Variants in LILRB3 observed in about 807,000 individuals in gnomAD.
The protein encoded by LILRB3 is leukocyte immunoglobulin like receptor B3.
A neutral mutation model predicts 68.2 loss-of-function variants in LILRB3; 32 were observed. The ratio of observed to expected loss-of-function variants is 0.47; its 90% CI spans 0.35 to 0.63. LILRB3 has a LOEUF of 0.63. Among genes scored for constraint, LILRB3 ranks in the 30% least tolerant of loss-of-function variants. The pLI is 0.00. For synonymous variants in LILRB3, 185 were observed against 323.1 expected, an observed-to-expected ratio of 0.57 and a Z score of 4.58; for missense variants, 502 against 791.3, an observed-to-expected ratio of 0.63 and a Z score of 4.39.
chr19:54,216,639 T>G, exon 13 of LILRB3: 1 of 1,017,652 alleles, frequency 9.8e-7, no homozygotes, highest in Non-Finnish European at 1.2e-6. Flanking sequence ...TCCCATGTCA[T>G]AAGTTCGATG....
At chr19:54,219,936 A>G in intron 7 of LILRB3, 4 of 1,400,632 alleles carry the variant, frequency 2.9e-6, no homozygotes, top group Non-Finnish European at 3.9e-6. Flanking sequence ...CAGGACAGGG[A>G]GGTGAAGGCT....
intron 3 of LILRB3, 48 bp downstream of exon 3, chr19:54,222,230 C>A (rs2078261037): frequency 1.2e-6 from 2 of 1,611,354 alleles, no homozygotes; most frequent in East Asian, 4.5e-5. Context: ...AGCCGACCCC[C>A]TTCCTGAGGG....
At chr19:54,218,119 A>C (rs573387423) in intron 11 of LILRB3, among the ~76,000 whole-genome samples, 59 of 150,858 alleles carry the variant, frequency 3.9e-4, no homozygotes, top group Non-Finnish European at 5.3e-4. Context: ...GCCTGGGGAG[A>C]GCTCTAACAA....
intron 7 of LILRB3, 117 bp from the exon 8 acceptor site, chr19:54,219,362 C>T: frequency 6.8e-7 from 1 of 1,466,234 alleles, no homozygotes; most frequent in Non-Finnish European, 9.3e-7. Flanking sequence ...AGTCGTGCAA[C>T]ATGGAATTGC....
chr19:54,216,471 G>A (rs541542752), exon 13 of LILRB3: 15 of 263,158 alleles, frequency 5.7e-5, no homozygotes, highest in South Asian at 1.4e-4. Flanking sequence ...CACCACGCCC[G>A]GCTAATTTTT....
In LILRB3 at chr19:54,222,987, C is replaced by G. The variant is rs1272537615; in HGVS notation, c.-11G>C. The G allele has an allele frequency of 3.1e-6, 5 of 1,604,004 alleles. No homozygotes were observed. In the South Asian group the frequency reaches 4.4e-5, roughly 14 times the overall value. On this transcript the variant is annotated 5_prime_UTR_variant, in exon 1 of 13. Transcript: ENST00000445347. ...GAGGGCGGGCGTCATGGCGTCTCCT[C>G]CCGGTGACCCCGCGCTCTGCAGAGG...
exon 10 of LILRB3, chr19:54,218,664 G>A (rs375727150): frequency 1.1e-5 from 17 of 1,614,190 alleles, no homozygotes; most frequent in Admixed American, 1.7e-5. Flanking sequence ...CTTCCTGGAC[G>A]TCAGCAGCTG....
rs772426983 is a variant in LILRB3 at position 54,217,108 on chromosome 19, A to G, written c.1881T>C (p.Thr627=). Residue 627 remains threonine (T), a synonymous_variant, in exon 13 of 13, where the codon ACT becomes ACC. Transcript: ENST00000445347. The stretch of plus-strand genomic sequence containing the variant: ...ACCCCCCGGGCTAGTGGATGGCCAG[A>G]GTGGCGTAGATGCTGGGCTCAGCTG... 1.7e-5 allele frequency: 28 copies of G among 1,613,908 alleles called. 1 individual carries two copies. Among genetic ancestry groups the G allele is most frequent in the African/African-American group, 9.4e-5 (7 of 74,844 alleles).
At chr19:54,217,173 T>C (rs778261386) in exon 13 of LILRB3, 149 of 1,613,552 alleles carry the variant, frequency 9.2e-5, no homozygotes, top group African/African-American at 1.6e-4. Flanking sequence ...TCAGTTGCCT[T>C]CCGTCTAAGG....
At chr19:54,218,812 G>C in exon 9 of LILRB3, 2 of 1,614,132 alleles carry the variant, frequency 1.2e-6, no homozygotes, top group African/African-American at 2.7e-5. Context: ...GCCCCTGCAG[G>C]ACGCTGGAAA....
At position 54,222,925 on chromosome 19, in the gene LILRB3, C is replaced by G. The variant is rs1243654357; in HGVS notation, c.34+18G>C. On this transcript the variant is annotated intron_variant, in intron 1 of 12. Coordinates refer to ENST00000445347, the Ensembl canonical transcript of LILRB3. Reference sequence around the variant, plus strand: ...CCTCCAAGACTCGGATCTCCCCCTCCCCATCTTGAAATCTCACCAAGGCAG... The same window carrying G: ...CCTCCAAGACTCGGATCTCCCCCTCGCCATCTTGAAATCTCACCAAGGCAG... 50 of 1,612,484 alleles carry G rather than the reference C, an allele frequency of 3.1e-5. No homozygotes were observed. The highest frequency in any genetic ancestry group is 3.8e-5 in the Non-Finnish European group (45 of 1,179,876).
chr19:54,222,337 T>G, exon 3 of LILRB3: 1 of 1,605,020 alleles, frequency 6.2e-7, no homozygotes, highest in South Asian at 1.1e-5. Flanking sequence ...GCTGTAATAG[T>G]GGCAGCGGTA....
Position 54,218,991 on chromosome 19 carries a change from G to C in LILRB3, c.1426+138C>G, listed in dbSNP as rs942531797. Reference sequence around the variant, plus strand: ...GAAAAAAACTCCCATGAATACTGAAGTTTGTAAATGCGTATTGAAATTACG... The same window carrying C: ...GAAAAAAACTCCCATGAATACTGAACTTTGTAAATGCGTATTGAAATTACG... On this transcript the variant is annotated intron_variant, in intron 8 of 12. Transcript: ENST00000445347. 2.6e-6 allele frequency: 4 copies of C among 1,521,056 alleles called. No homozygotes were observed. The African/African-American group carries it at 5.6e-5, about 21-fold the overall frequency. The allele number at this position is 1,521,056 out of a possible 1,614,324, so 94.2% of individuals were successfully genotyped here.
exon 6 of LILRB3, chr19:54,220,716 G>C (rs1390654272): frequency 6.5e-7 from 1 of 1,529,792 alleles, no homozygotes; most frequent in Non-Finnish European, 8.8e-7. Flanking sequence ...CCCTTCTTTG[G>C]TCAGAAGGAA....
intron 7 of LILRB3, 111 bp from the exon 8 acceptor site, chr19:54,219,356 G>A (rs1214183557): frequency 1.7e-5 from 25 of 1,472,112 alleles, no homozygotes; most frequent in South Asian, 5.1e-5. Context: ...ACAAGCAGTC[G>A]TGCAACATGG....
exon 6 of LILRB3, chr19:54,220,770 T>C: frequency 3.9e-6 from 6 of 1,521,150 alleles, no homozygotes; most frequent in Non-Finnish European, 5.3e-6. Flanking sequence ...GGTCATGTTC[T>C]CTCCTGAGGC....
chr19:54,217,136 G>A (rs2077535492), exon 13 of LILRB3: 2 of 1,614,148 alleles, frequency 1.2e-6, no homozygotes, highest in Non-Finnish European at 1.7e-6. Context: ...CTCAGCTGGA[G>A]GTTCCCCTTC....
intron 2 of LILRB3, 69 bp from the exon 3 acceptor site, chr19:54,222,631 C>T: frequency 3.7e-6 from 6 of 1,611,864 alleles, no homozygotes; most frequent in South Asian, 1.1e-5. Flanking sequence ...AGCCCCAGGA[C>T]TTCCCCATCA....
intron 11 of LILRB3, chr19:54,217,823 C>T (rs1012332625): frequency 9.3e-6 from 5 of 539,828 alleles, no homozygotes; most frequent in South Asian, 4.0e-5. Context: ...AGCAGACAGC[C>T]CTCCCCTTCC....
Sources: gnomAD v4.1 joint callset for allele counts (sites outside exome capture counted in the v4.1 genomes callset) on GRCh38, gnomAD v4.1.1 for gene constraint, MANE v1.5 for transcripts, NCBI Gene and HGNC (gene_info 2026-07-23, HGNC 2026-07-21) for gene names.